GPR137: variants seen among roughly 807,000 people sequenced by gnomAD.
GPR137 encodes the protein integral membrane protein GPR137.
In GPR137, 20 loss-of-function variants were observed where a neutral mutation model predicts 38.9. That is an observed-to-expected ratio of 0.51 (90% CI 0.36 to 0.75). GPR137 has a LOEUF of 0.75. GPR137 is among the 30% of genes least tolerant of loss of function. The pLI is 0.00. For missense variants in GPR137, 456 were observed against 526.4 expected (o/e 0.87, Z 1.31); for synonymous variants, 226 against 235.8 (o/e 0.96, Z 0.38).
At chr11:64,273,318 A>T (rs1422515651), upstream of GPR137, among the ~76,000 whole-genome samples, 2 of 152,198 alleles carry the variant, frequency 1.3e-5, no homozygotes, top group Admixed American at 6.5e-5. Context: ...GGTTGCAGTG[A>T]GCCGAGATTG....
Position 64,288,752 on chromosome 11 carries a change from T to TGG in GPR137, c.1031+32_1031+33insGG. 1.4e-6 allele frequency: 2 copies of TGG among 1,475,686 alleles called. No individual in the cohort carries two copies. The highest frequency in any genetic ancestry group is 1.8e-6 in the Non-Finnish European group (2 of 1,100,470). The allele number at this position is 1,475,686 out of a possible 1,614,324, so 91.4% of individuals were successfully genotyped here. ...AGCCGTGGCACTGCCTCAGTACCCC[T>TGG]GCCCTACCCGCCCACCCCGCTGGCT... On this transcript the variant is annotated intron_variant, in intron 6 of 6. Transcript: ENST00000438980. The surrounding 1 kb of genome is among the most constrained non-coding windows in gnomAD (Gnocchi z 5.5).
In GPR137 at chr11:64,288,861, A is replaced by G. The variant is rs1591216398; in HGVS notation, c.1031+140A>G. On this transcript the variant is annotated intron_variant, in intron 6 of 6. Transcript: ENST00000438980. The surrounding 1 kb of genome is among the most constrained non-coding windows in gnomAD (Gnocchi z 5.5). The stretch of plus-strand genomic sequence containing the variant: ...TTTGCTTCCCCATCTGTACTAGGTG[A>G]GGTCCCCTGGGTTCCTATTGCTAAA... The G allele has an allele frequency of 3.5e-6, 5 of 1,440,646 alleles. No individual in the cohort carries two copies. The highest frequency in any genetic ancestry group is 4.5e-6 in the Non-Finnish European group (5 of 1,102,806). The allele number at this position is 1,440,646 out of a possible 1,614,324, so 89.2% of individuals were successfully genotyped here. A position where few individuals can be genotyped will look rare whatever the true frequency, so the allele number is the denominator to read the frequency against.
chr11:64,284,517 C>T, upstream of GPR137: 3 of 1,542,790 alleles, frequency 1.9e-6, no homozygotes, highest in Middle Eastern at 1.7e-4. Flanking sequence ...CATCTGTCTG[C>T]CGGGTCTGGC....
At chr11:64,287,978 T>G (rs1257752822) in intron 3 of GPR137, 32 bp downstream of exon 3, 1 of 1,601,392 alleles carries the variant, frequency 6.2e-7, no homozygotes, top group Non-Finnish European at 8.5e-7. Context: ...CCAGGTGTCT[T>G]TTGGGTCTCT....
intron 2 of GPR137, among the ~76,000 whole-genome samples, chr11:64,278,471 G>C (rs1008760008): frequency 6.6e-6 from 1 of 151,658 alleles, no homozygotes; most frequent in African/African-American, 2.4e-5. Context: ...CCTCCTCTGC[G>C]CCAGGCACTG....
At chr11:64,284,443 G>T, upstream of GPR137, 1 of 1,603,820 alleles carries the variant, frequency 6.2e-7, no homozygotes. Flanking sequence ...GAAGGCAGAG[G>T]CAGGTACCCC....
At chr11:64,271,655 G>T (rs192629069), upstream of GPR137, 2 of 1,508,460 alleles carry the variant, frequency 1.3e-6, no homozygotes, top group African/African-American at 1.4e-5. Flanking sequence ...TCCGGAGCTC[G>T]CGGCCATAGC....
At chr11:64,277,659 G>A (rs1423491831) in intron 2 of GPR137, among the ~76,000 whole-genome samples, 1 of 152,068 alleles carries the variant, frequency 6.6e-6, no homozygotes, top group African/African-American at 2.4e-5. Flanking sequence ...GGCTGGTCTC[G>A]AACTCCTGAG....
upstream of GPR137, chr11:64,284,402 C>G (rs2033705936): frequency 1.2e-6 from 2 of 1,611,068 alleles, no homozygotes; most frequent in East Asian, 4.5e-5. Flanking sequence ...GTTACGTAGT[C>G]AAGGCACAGC....
At chr11:64,285,019 G>C, upstream of GPR137, 1 of 1,206,518 alleles carries the variant, frequency 8.3e-7, no homozygotes, top group Non-Finnish European at 1.1e-6. Flanking sequence ...GATAGTGACA[G>C]CTCCCCCGGG....
At position 64,285,967 on chromosome 11, in the gene GPR137, C is replaced by A; in HGVS notation, c.-558C>A. ...CCTCCCCTTGAGGCTGGAGCGTGGA[C>A]GCGGTGGGGGAGGGTGGGGCGGGGG... On this transcript the variant is annotated 5_prime_UTR_variant, in exon 1 of 7. Transcript: ENST00000438980. The A allele has an allele frequency of 1.1e-6, 1 of 946,526 alleles. No homozygotes were observed. Among genetic ancestry groups the A allele is most frequent in the Non-Finnish European group, 1.3e-6 (1 of 795,050 alleles). The allele number at this position is 946,526 out of a possible 1,614,324, so 58.6% of individuals were successfully genotyped here.
At position 64,288,070 on chromosome 11, in the gene GPR137, C is replaced by T; in HGVS notation, c.639C>T (p.Thr213=). The change falls in exon 4 of 7, where the codon ACC becomes ACT. Residue 213 remains threonine (T), a synonymous_variant. Coordinates refer to ENST00000438980, the MANE Select transcript of GPR137 (RefSeq NM_001170880.2). This position sits in a 1 kb window ranked among gnomAD's most constrained non-coding sequence, Gnocchi z 5.5. Reference sequence around the variant, plus strand: ...TCTGTTGTTACCTGTGCCAGGGGACCAGTGTGTGCCAGGCGGCCGCGATGG... The same window carrying T: ...TCTGTTGTTACCTGTGCCAGGGGACTAGTGTGTGCCAGGCGGCCGCGATGG... ...STSIYLEAKG[T]SVCQAAAMGG... 2 of 1,610,418 alleles carry T rather than the reference C, an allele frequency of 1.2e-6. No homozygotes were observed. Among genetic ancestry groups the T allele is most frequent in the African/African-American group, 1.3e-5 (1 of 75,000 alleles).
Position 64,288,850 on chromosome 11 carries a change from T to TGTACTA in GPR137, c.1031+131_1031+136dup. On this transcript the variant is annotated intron_variant, in intron 6 of 6. Coordinates refer to ENST00000438980, the MANE Select transcript of GPR137 (RefSeq NM_001170880.2). The surrounding 1 kb of genome is among the most constrained non-coding windows in gnomAD (Gnocchi z 5.5). ...CTGCCATGGCCTTTGCTTCCCCATC[T>TGTACTA]GTACTAGGTGAGGTCCCCTGGGTTC... The TGTACTA allele has an allele frequency of 7.0e-7, 1 of 1,438,718 alleles. No individual in the cohort carries two copies. The highest frequency in any genetic ancestry group is 9.1e-7 in the Non-Finnish European group (1 of 1,100,988). The allele number at this position is 1,438,718 out of a possible 1,614,324, so 89.1% of individuals were successfully genotyped here. A position where few individuals can be genotyped will look rare whatever the true frequency, so the allele number is the denominator to read the frequency against.
At chr11:64,272,923 A>C (rs2032747382), upstream of GPR137, 2 of 152,262 alleles carry the variant, frequency 1.3e-5, no homozygotes, top group Admixed American at 6.5e-5. Context: ...CATAAAATTA[A>C]AAAATGTGAA....
At position 64,286,500 on chromosome 11, in the gene GPR137, C is replaced by G; in HGVS notation, c.-25C>G. 6.3e-7 allele frequency: 1 copy of G among 1,591,516 alleles called. No individual in the cohort carries two copies. Among genetic ancestry groups the G allele is most frequent in the Non-Finnish European group, 8.6e-7 (1 of 1,167,874 alleles). On this transcript the variant is annotated 5_prime_UTR_variant, in exon 1 of 7. Transcript: ENST00000438980. ...CCGACAGTCCCTCCTTGTCTGTCTC[C>G]GGGATTCAGGCCTCCCTCCCTGACA...
upstream of GPR137, chr11:64,272,582 T>C (rs114981174): frequency 6.6e-6 from 1 of 152,242 alleles, no homozygotes; most frequent in Non-Finnish European, 1.5e-5. Flanking sequence ...CTGGAACTGT[T>C]GACGTTTTTA....
chr11:64,285,910 C>A lies in GPR137; in HGVS notation c.-615C>A. Reference sequence around the variant, plus strand: ...CCACGACCTGAGCCGGCTCTCCCATCAGCGGCCTGAGGACCTGGCGTCCGC... The same window carrying A: ...CCACGACCTGAGCCGGCTCTCCCATAAGCGGCCTGAGGACCTGGCGTCCGC... On this transcript the variant is annotated 5_prime_UTR_variant, in exon 1 of 7. Transcript: ENST00000438980. The A allele has an allele frequency of 1.0e-6, 1 of 969,904 alleles. No individual in the cohort carries two copies. Among genetic ancestry groups the A allele is most frequent in the Non-Finnish European group, 1.2e-6 (1 of 815,746 alleles). The allele number at this position is 969,904 out of a possible 1,614,324, so 60.1% of individuals were successfully genotyped here. A position where few individuals can be genotyped will look rare whatever the true frequency, so the allele number is the denominator to read the frequency against.
upstream of GPR137, among the ~76,000 whole-genome samples, chr11:64,274,923 T>C (rs1451154719): frequency 1.4e-5 from 2 of 142,032 alleles, no homozygotes; most frequent in East Asian, 4.0e-4. Flanking sequence ...AGGCGGAGGT[T>C]GCAGTGAGCT....
upstream of GPR137, among the ~76,000 whole-genome samples, chr11:64,281,237 A>G (rs1475716318): frequency 6.6e-6 from 1 of 152,190 alleles, no homozygotes; most frequent in Non-Finnish European, 1.5e-5. Flanking sequence ...AAGTGCTGGG[A>G]TTATAGGCGT....
Sources: gnomAD v4.1 joint callset for allele counts (sites outside exome capture counted in the v4.1 genomes callset) on GRCh38, gnomAD v4.1.1 for gene constraint, Gnocchi (gnomAD v3.1) non-coding constraint, MANE v1.5 for transcripts, NCBI Gene and HGNC (gene_info 2026-07-23, HGNC 2026-07-21) for gene names.